XRCC4: variants seen among roughly 807,000 people sequenced by gnomAD.
XRCC4 encodes the protein X-ray repair cross complementing 4, also known as DNA repair protein XRCC4.
XRCC4 carries 28 observed loss-of-function variants against 39.1 expected under a neutral mutation model. That is an observed-to-expected ratio of 0.72 (90% CI 0.53 to 0.98). The LOEUF (loss-of-function observed/expected upper bound fraction) is 0.98. Ranked by LOEUF, XRCC4 falls within the 50% of genes least tolerant of loss-of-function variation. XRCC4 has a pLI of 0.00. For missense variants in XRCC4, 350 were observed against 376.4 expected (o/e 0.93, Z 0.58); for synonymous variants, 123 against 126.4 (o/e 0.97, Z 0.18).
chr5:83,178,777 A>G (rs908833219), intron 3 of XRCC4, among the ~76,000 whole-genome samples: 7 of 152,170 alleles, frequency 4.6e-5, no homozygotes, highest in Admixed American at 3.9e-4. Context: ...TCGACATCAG[A>G]GTTTTTGATG....
chr5:83,241,981 A>C (rs1331677071), intron 6 of XRCC4, among the ~76,000 whole-genome samples: 39 of 146,960 alleles, frequency 2.7e-4, no homozygotes, highest in Non-Finnish European at 5.0e-4. Context: ...GAGGAGGAGG[A>C]GGCGGAAGGG....
chr5:83,220,133 C>T (rs1347789825), intron 6 of XRCC4, among the ~76,000 whole-genome samples: 1 of 152,082 alleles, frequency 6.6e-6, no homozygotes, highest in African/African-American at 2.4e-5. Context: ...AGGTATTGTA[C>T]TTTACTACAA....
chr5:83,233,815 T>C (rs1242529672), intron 6 of XRCC4, among the ~76,000 whole-genome samples: 1 of 148,076 alleles, frequency 6.8e-6, no homozygotes, highest in Non-Finnish European at 1.5e-5. Flanking sequence ...GGCAGAAGAA[T>C]CGCTTGAACC....
At chr5:83,100,689 A>G (rs920408642) in intron 1 of XRCC4, among the ~76,000 whole-genome samples, 8 of 152,132 alleles carry the variant, frequency 5.3e-5, no homozygotes, top group African/African-American at 1.9e-4. Flanking sequence ...ATGCTATGCC[A>G]CAAGTAGTTC....
At chr5:83,276,418 A>G (rs1754335282) in intron 7 of XRCC4, among the ~76,000 whole-genome samples, 1 of 132,678 alleles carries the variant, frequency 7.5e-6, no homozygotes, top group Admixed American at 8.8e-5. Context: ...TGAGGGCTTT[A>G]CCCTAATGAA....
chr5:83,100,260 CAT>C (rs1162646493), intron 1 of XRCC4, among the ~76,000 whole-genome samples: 1 of 152,008 alleles, frequency 6.6e-6, no homozygotes, highest in African/African-American at 2.4e-5. Flanking sequence ...AAAATAAAAT[CAT>C]ATAATTTTTG....
intron 7 of XRCC4, among the ~76,000 whole-genome samples, chr5:83,271,649 A>G (rs75455177): frequency 9.1e-4 from 138 of 152,312 alleles, no homozygotes; most frequent in Non-Finnish European, 1.7e-3. Context: ...ATTTACTAAT[A>G]TAAAATAGAG....
intron 7 of XRCC4, among the ~76,000 whole-genome samples, chr5:83,346,065 G>A (rs1756908772): frequency 6.6e-6 from 1 of 152,134 alleles, no homozygotes. Flanking sequence ...TTTAGTGAGA[G>A]TATCATCTGG....
At chr5:83,312,536 C>T (rs1755742084) in intron 7 of XRCC4, among the ~76,000 whole-genome samples, 1 of 152,070 alleles carries the variant, frequency 6.6e-6, no homozygotes. Flanking sequence ...TAAGAGAGTA[C>T]CTTAATACAG....
chr5:83,362,312 A>C, the XRCC4 span, among the ~76,000 whole-genome samples: 252 of 150,620 alleles, frequency 1.7e-3, 2 homozygotes, highest in East Asian at 9.9e-3. Flanking sequence ...AAAAAAAAAA[A>C]AAAAAACTAT....
At chr5:83,159,110 A>T (rs1429839282) in intron 3 of XRCC4, among the ~76,000 whole-genome samples, 1 of 152,198 alleles carries the variant, frequency 6.6e-6, no homozygotes, top group East Asian at 1.9e-4. Context: ...CTACCTGGAA[A>T]ATATAAAAAC....
At chr5:83,082,785 C>T (rs1417536535) in intron 1 of XRCC4, among the ~76,000 whole-genome samples, 2 of 151,632 alleles carry the variant, frequency 1.3e-5, no homozygotes, top group Admixed American at 6.6e-5. Context: ...TTATGTGTGG[C>T]CCAAGACAAT....
chr5:83,238,694 G>A (rs556437123), intron 6 of XRCC4, among the ~76,000 whole-genome samples: 3 of 152,228 alleles, frequency 2.0e-5, no homozygotes, highest in East Asian at 3.9e-4. Flanking sequence ...TTCTGATGAT[G>A]ATGTTTGGTC....
intron 6 of XRCC4, among the ~76,000 whole-genome samples, chr5:83,246,726 C>T (rs1204777061): frequency 6.6e-6 from 1 of 151,916 alleles, no homozygotes; most frequent in Non-Finnish European, 1.5e-5. Flanking sequence ...CATTTTTTTC[C>T]ATTTTATACA....
intron 7 of XRCC4, among the ~76,000 whole-genome samples, chr5:83,328,157 C>G (rs1452911167): frequency 3.9e-5 from 6 of 152,008 alleles, no homozygotes; most frequent in Non-Finnish European, 8.8e-5. Context: ...AAAGCGGAAA[C>G]CCCTGATAAA....
chr5:83,179,323 A>T (rs571587482), intron 3 of XRCC4, among the ~76,000 whole-genome samples: 1 of 152,186 alleles, frequency 6.6e-6, no homozygotes, highest in African/African-American at 2.4e-5. Context: ...TATTCCTGCA[A>T]TGTAATAAGA....
intron 3 of XRCC4, among the ~76,000 whole-genome samples, chr5:83,156,336 G>T (rs1748962268): frequency 6.6e-6 from 1 of 150,480 alleles, no homozygotes; most frequent in Non-Finnish European, 1.5e-5. Flanking sequence ...TCTAGAAGGA[G>T]AAATATGTTA....
chr5:83,320,807 C>CTTTTTTTTT (rs869118508), intron 7 of XRCC4, among the ~76,000 whole-genome samples: 1 of 116,978 alleles, frequency 8.5e-6, no homozygotes, highest in African/African-American at 3.5e-5. Context: ...TTATGTACTT[C>CTTTTTTTTT]TTTTTTTTTT....
intron 3 of XRCC4, among the ~76,000 whole-genome samples, chr5:83,168,062 A>T (rs1040442980): frequency 6.6e-6 from 1 of 152,180 alleles, no homozygotes; most frequent in Non-Finnish European, 1.5e-5. Flanking sequence ...TGGTAGATAA[A>T]AATTATTAAA....
Sources: gnomAD v4.1 joint callset for allele counts (sites outside exome capture counted in the v4.1 genomes callset) on GRCh38, gnomAD v4.1.1 for gene constraint, MANE v1.5 for transcripts, NCBI Gene and HGNC (gene_info 2026-07-23, HGNC 2026-07-21) for gene names.